The following RALA variants were observed in gnomAD, a reference collection of about 807,000 sequenced individuals.
RALA encodes the protein ras-related protein Ral-A.
RALA carries 5 observed loss-of-function variants against 24.0 expected under a neutral mutation model. That is an observed-to-expected ratio of 0.21 (90% CI 0.11 to 0.44). The LOEUF (loss-of-function observed/expected upper bound fraction) is 0.44. RALA is among the 20% of genes least tolerant of loss of function. RALA has a pLI of 0.99. For missense variants in RALA, 95 were observed against 241.2 expected, an observed-to-expected ratio of 0.39 and a Z score of 4.01; for synonymous variants, 77 against 83.8, an observed-to-expected ratio of 0.92 and a Z score of 0.44.
intron 3 of RALA, among the ~76,000 whole-genome samples, chr7:39,695,226 T>C (rs1412911081): frequency 6.6e-6 from 1 of 152,158 alleles, no homozygotes; most frequent in Non-Finnish European, 1.5e-5. Context: ...ATACCGACAT[T>C]CATGGATAGT....
intron 1 of RALA, among the ~76,000 whole-genome samples, chr7:39,626,159 G>A (rs1791482216): frequency 6.6e-6 from 1 of 152,208 alleles, no homozygotes; most frequent in Non-Finnish European, 1.5e-5. Flanking sequence ...CCACTATACA[G>A]AGGTTAGATT....
At position 39,642,541 on chromosome 7, in the gene RALA, A is replaced by G. The variant is rs76237642; in HGVS notation, c.-38+18716A>G. On this transcript the variant is annotated intron_variant, in intron 1 of 4. Coordinates refer to ENST00000005257, the MANE Select transcript of RALA (RefSeq NM_005402.4). ...AAAGTAATGTTTGCATCAAAGAGGC[A>G]TATTTTGGGGTTATATATTCTGATT... Among the ~76,000 whole-genome samples, 2,533 of 152,284 alleles carry G rather than the reference A, an allele frequency of 0.017. 139 individuals carry two copies. The East Asian group carries it at 0.18, about 11-fold the overall frequency.
intron 3 of RALA, among the ~76,000 whole-genome samples, chr7:39,695,410 G>T: frequency 6.6e-6 from 1 of 150,904 alleles, no homozygotes; most frequent in Non-Finnish European, 1.5e-5. Context: ...GCATTTTTTT[G>T]GTTTTTGGTT....
At chr7:39,632,590 A>G (rs1791616765) in intron 1 of RALA, among the ~76,000 whole-genome samples, 1 of 152,122 alleles carries the variant, frequency 6.6e-6, no homozygotes, top group Non-Finnish European at 1.5e-5. Flanking sequence ...GGCTGAGGCT[A>G]GCAGGTAGCT....
At chr7:39,683,529 G>A (rs1193392159) in intron 1 of RALA, among the ~76,000 whole-genome samples, 2 of 152,126 alleles carry the variant, frequency 1.3e-5, no homozygotes, top group Admixed American at 1.3e-4. Flanking sequence ...GTTCCACATA[G>A]GCAGGGGCTA....
chr7:39,695,883 T>G (rs1792910847), intron 3 of RALA, among the ~76,000 whole-genome samples: 1 of 152,168 alleles, frequency 6.6e-6, no homozygotes, highest in South Asian at 2.1e-4. Context: ...GTTTTTTGAT[T>G]TTACAAAAAA....
chr7:39,632,090 A>G (rs950049587), intron 1 of RALA, among the ~76,000 whole-genome samples: 3 of 152,230 alleles, frequency 2.0e-5, no homozygotes. Flanking sequence ...CATTACTGTG[A>G]GGACAGCACC....
chr7:39,699,183 G>T (rs1449274048), intron 4 of RALA, among the ~76,000 whole-genome samples: 2 of 133,046 alleles, frequency 1.5e-5, no homozygotes, highest in Non-Finnish European at 3.1e-5. Context: ...GCCCAGGCCG[G>T]ACTGCGGACT....
At chr7:39,631,204 C>T (rs1791592292) in intron 1 of RALA, among the ~76,000 whole-genome samples, 3 of 151,234 alleles carry the variant, frequency 2.0e-5, no homozygotes, top group Admixed American at 6.6e-5. Context: ...GACAGGGTTT[C>T]GCCATATTGG....
At chr7:39,659,164 G>A (rs1792143413) in intron 1 of RALA, among the ~76,000 whole-genome samples, 1 of 152,006 alleles carries the variant, frequency 6.6e-6, no homozygotes, top group Non-Finnish European at 1.5e-5. Flanking sequence ...CTGCTGTGGT[G>A]GGGATGAAAT....
chr7:39,634,092 C>G (rs1026622298), intron 1 of RALA, among the ~76,000 whole-genome samples: 2 of 152,028 alleles, frequency 1.3e-5, no homozygotes, highest in Admixed American at 1.3e-4. Context: ...ATTTATTGCC[C>G]CATATACTAA....
chr7:39,675,750 A>AC (rs1792475225), intron 1 of RALA, among the ~76,000 whole-genome samples: 1 of 135,752 alleles, frequency 7.4e-6, no homozygotes, highest in Non-Finnish European at 1.7e-5. Flanking sequence ...AAAAAAAAAA[A>AC]AAAAAAAAAA....
intron 3 of RALA, 46 bp downstream of exon 3, chr7:39,690,636 A>G: frequency 7.0e-7 from 1 of 1,430,238 alleles, no homozygotes; most frequent in Non-Finnish European, 9.5e-7. Flanking sequence ...CTATACAACA[A>G]TTTCTTCCCC....
At chr7:39,665,125 G>T (rs891851507) in intron 1 of RALA, among the ~76,000 whole-genome samples, 2 of 152,070 alleles carry the variant, frequency 1.3e-5, no homozygotes, top group African/African-American at 4.8e-5. Flanking sequence ...TACAATGAGT[G>T]TGCCTGCTTT....
intron 1 of RALA, among the ~76,000 whole-genome samples, chr7:39,672,811 A>G (rs941667488): frequency 6.6e-6 from 1 of 152,210 alleles, no homozygotes; most frequent in Non-Finnish European, 1.5e-5. Context: ...TGCCAGGGTG[A>G]TGGAGAAGAT....
intron 1 of RALA, among the ~76,000 whole-genome samples, chr7:39,670,304 T>A (rs1456151690): frequency 2.6e-5 from 4 of 152,134 alleles, no homozygotes; most frequent in Non-Finnish European, 5.9e-5. Context: ...TGCCACCACA[T>A]CCAGGTAATT....
intron 4 of RALA, among the ~76,000 whole-genome samples, chr7:39,699,610 A>G (rs916342305): frequency 9.2e-5 from 14 of 152,376 alleles, no homozygotes; most frequent in Admixed American, 5.9e-4. Flanking sequence ...AAATGAGGAT[A>G]GAACTAAATG....
At chr7:39,674,053 A>ATAAC (rs2116032117) in intron 1 of RALA, among the ~76,000 whole-genome samples, 1 of 110,062 alleles carries the variant, frequency 9.1e-6, no homozygotes, top group East Asian at 3.3e-4. Context: ...AAATAAATAA[A>ATAAC]TAAATAAATA....
At chr7:39,674,041 G>GTAAAAAA (rs751747445) in intron 1 of RALA, among the ~76,000 whole-genome samples, 1 of 48,896 alleles carries the variant, frequency 2.0e-5, no homozygotes, top group Non-Finnish European at 4.0e-5. Flanking sequence ...GGCATGCACT[G>GTAAAAAA]TAAATAAATA....
Sources: allele counts gnomAD v4.1 joint callset (sites outside exome capture counted in the v4.1 genomes callset), GRCh38; gene constraint gnomAD v4.1.1; transcripts MANE v1.5; gene names NCBI Gene and HGNC (gene_info 2026-07-23, HGNC 2026-07-21).